The following CDH13 variants were observed in gnomAD, a reference collection of about 807,000 sequenced individuals.
CDH13 encodes the protein cadherin-13.
A neutral mutation model predicts 63.8 loss-of-function variants in CDH13; 24 were observed. That is an observed-to-expected ratio of 0.38 (90% CI 0.27 to 0.53). The LOEUF is 0.53. CDH13 is among the 20% of genes least tolerant of loss of function. The probability of loss-of-function intolerance (pLI) is 0.85; values close to 1 mark genes in which losing one functional copy is unlikely to be tolerated. For missense variants in CDH13, 1,049 were observed against 903.1 expected, an observed-to-expected ratio of 1.16 and a Z score of -2.07; for synonymous variants, 503 against 355.3, an observed-to-expected ratio of 1.42 and a Z score of -4.67.
intron 5 of CDH13, among the ~76,000 whole-genome samples, chr16:83,219,025 T>A (rs12716965): frequency 0.062 from 9,481 of 152,156 alleles, 325 homozygotes; most frequent in African/African-American, 0.095. Context: ...TAAATCTCTG[T>A]CCTTTGTAAA....
At chr16:83,709,043 T>G (rs72797266) in intron 10 of CDH13, among the ~76,000 whole-genome samples, 42,654 of 151,750 alleles carry the variant, frequency 0.28, 6,407 homozygotes, top group Middle Eastern at 0.46. Flanking sequence ...AATTAAAAAA[T>G]AAAAATTAAA....
chr16:82,803,801 T>G (rs1036710059), intron 1 of CDH13, among the ~76,000 whole-genome samples: 1 of 151,962 alleles, frequency 6.6e-6, no homozygotes, highest in South Asian at 2.1e-4. Context: ...AGTAGAATGG[T>G]GATTTGGGGG....
In CDH13 at chr16:83,782,736, G is replaced by GA. The variant is rs3055230; in HGVS notation, c.1916-500dup. On this transcript the variant is annotated intron_variant, in intron 12 of 13. Coordinates refer to ENST00000567109, the MANE Select transcript of CDH13 (RefSeq NM_001257.5). ...GGGCAACAGAGTGAGACCCTGTCTC[G>GA]AAAAAAAAAAAAAAAAAACTAAAGA... is the stretch of plus-strand genomic sequence containing the variant. 4.5e-3 allele frequency among the ~76,000 whole-genome samples: 450 copies of GA among 98,930 alleles called. 1 individual carries two copies. The highest frequency in any genetic ancestry group is 0.011 in the Middle Eastern group (2 of 176). 64.9% of individuals were successfully genotyped at this position (98,930 alleles called of 152,430 possible).
In CDH13 at chr16:82,902,870, G is replaced by T. The variant is rs146667447; in HGVS notation, c.157+44397G>T. On this transcript the variant is annotated intron_variant, in intron 2 of 13. Coordinates refer to ENST00000567109, the MANE Select transcript of CDH13 (RefSeq NM_001257.5). ...ATCCAATATAAACTGCCAACAGTAG[G>T]TTGGAAATACTCATCAGTATGGAAA... Among the ~76,000 whole-genome samples the T allele has an allele frequency of 8.4e-4, 128 of 152,256 alleles. 1 individual carries two copies. The highest frequency in any genetic ancestry group is 3.0e-3 in the African/African-American group (126 of 41,574).
chr16:83,298,126 C>G (rs1238940465), intron 5 of CDH13, among the ~76,000 whole-genome samples: 1 of 151,216 alleles, frequency 6.6e-6, no homozygotes, highest in Non-Finnish European at 1.5e-5. Context: ...GCCTGTGGTT[C>G]CAGCTACTCA....
At chr16:83,296,376 A>G (rs771085974) in intron 5 of CDH13, among the ~76,000 whole-genome samples, 10 of 152,164 alleles carry the variant, frequency 6.6e-5, no homozygotes, top group Non-Finnish European at 1.0e-4. Context: ...GTGCCTGGAC[A>G]ATTAAGTACC....
At chr16:82,748,923 A>G (rs932577774) in intron 1 of CDH13, among the ~76,000 whole-genome samples, 1 of 152,196 alleles carries the variant, frequency 6.6e-6, no homozygotes, top group African/African-American at 2.4e-5. Context: ...GGCCAATCAG[A>G]TCACTAATTG....
intron 1 of CDH13, among the ~76,000 whole-genome samples, chr16:82,838,601 C>G (rs1597756359): frequency 6.6e-6 from 1 of 152,162 alleles, no homozygotes; most frequent in African/African-American, 2.4e-5. Context: ...CATCTTTCCT[C>G]AATTGTGCCT....
rs566928044 is a variant in CDH13, at chr16:83,496,727, C to A, written c.960+10072C>A. The stretch of plus-strand genomic sequence containing the variant: ...ACTACCATCAGAGTGAACAGGCGAC[C>A]TACAAAATGGGGAAAATTTTCGCAA... On this transcript the variant is annotated intron_variant, in intron 7 of 13. Coordinates refer to ENST00000567109, the MANE Select transcript of CDH13 (RefSeq NM_001257.5). Among the ~76,000 whole-genome samples, 40 of 152,116 alleles carry A rather than the reference C, an allele frequency of 2.6e-4. 1 individual carries two copies. Among genetic ancestry groups the A allele is most frequent in the Admixed American group, 2.4e-3 (36 of 15,262 alleles).
chr16:83,511,086 ACACACACATGCACACATGCACGCATG>A (rs200043421), intron 7 of CDH13, among the ~76,000 whole-genome samples: 1 of 93,814 alleles, frequency 1.1e-5, no homozygotes, highest in Non-Finnish European at 2.0e-5. Flanking sequence ...GCACGCATGC[ACACACACATGCACACATGCACGCATG>A]CACACACATG....
rs889813934 is a variant in CDH13 at position 83,798,010 on chromosome 16, C to G, written c.*2980C>G. The stretch of plus-strand genomic sequence containing the variant: ...TACCTGCTGTGCCTCTTGGCCGACA[C>G]CAGCAAATCTAAGCATTATAACGAA... On this transcript the variant is annotated 3_prime_UTR_variant, in exon 14 of 14. Transcript: ENST00000567109. 2 of 152,198 alleles carry G rather than the reference C, an allele frequency of 1.3e-5. No individual in the cohort carries two copies. Among genetic ancestry groups the G allele is most frequent in the Admixed American group, 1.3e-4 (2 of 15,268 alleles). The allele number at this position is 152,198 out of a possible 1,614,324, so 9.4% of individuals were successfully genotyped here. A position where few individuals can be genotyped will look rare whatever the true frequency, so the allele number is the denominator to read the frequency against.
In CDH13 at chr16:83,709,393, G is replaced by A. The variant is rs139712876; in HGVS notation, c.1538+30932G>A. 5.5e-3 allele frequency among the ~76,000 whole-genome samples: 839 copies of A among 152,218 alleles called. 8 individuals are homozygous for A. The highest frequency in any genetic ancestry group is 0.018 in the African/African-American group (768 of 41,526). On this transcript the variant is annotated intron_variant, in intron 10 of 13. Coordinates refer to ENST00000567109, the MANE Select transcript of CDH13 (RefSeq NM_001257.5). ...TCCAATCTATGAGGGTTCCCCCAGCGGACTCCCTCTATAATCAGTACGGTC... is the reference window on the plus strand; with the variant it reads ...TCCAATCTATGAGGGTTCCCCCAGCAGACTCCCTCTATAATCAGTACGGTC...
Position 82,709,132 on chromosome 16 carries a change from A to G in CDH13, c.45+81995A>G, listed in dbSNP as rs146756099. On this transcript the variant is annotated intron_variant, in intron 1 of 13. Transcript: ENST00000567109. ...AACATAACAATGGATATAAGCTCCA[A>G]TTCTATCCAGTTTTCCACGAATGAA... 8.0e-4 allele frequency among the ~76,000 whole-genome samples: 122 copies of G among 152,322 alleles called. 1 individual carries two copies. The East Asian group carries it at 0.02, about 25-fold the overall frequency.
At chr16:83,560,110 G>T (rs1241313562) in intron 7 of CDH13, among the ~76,000 whole-genome samples, 1 of 152,056 alleles carries the variant, frequency 6.6e-6, no homozygotes, top group Admixed American at 6.6e-5. Context: ...TGATGAATAC[G>T]TATTGAGTAG....
chr16:82,721,531 G>A (rs760928375), intron 1 of CDH13, among the ~76,000 whole-genome samples: 29 of 152,252 alleles, frequency 1.9e-4, no homozygotes, highest in Non-Finnish European at 3.4e-4. Context: ...CACTGCTCAC[G>A]TAGGCAGGAA....
intron 4 of CDH13, among the ~76,000 whole-genome samples, chr16:83,132,081 C>A (rs1270041142): frequency 1.3e-5 from 2 of 152,156 alleles, no homozygotes; most frequent in Non-Finnish European, 2.9e-5. Context: ...CGAATAGGTG[C>A]CAAGGAGTCT....
At chr16:82,928,520 C>G (rs550913900) in intron 2 of CDH13, among the ~76,000 whole-genome samples, 92 of 152,324 alleles carry the variant, frequency 6.0e-4, no homozygotes, top group African/African-American at 2.1e-3. Context: ...ATCATCCTTA[C>G]TCAATATCTG....
chr16:83,017,542 C>T (rs961063580), intron 2 of CDH13, among the ~76,000 whole-genome samples: 7 of 152,314 alleles, frequency 4.6e-5, no homozygotes, highest in African/African-American at 1.7e-4. Context: ...ACTCTCTGAG[C>T]TTCAGGTTTT....
At chr16:83,275,329 C>T (rs148145448) in intron 5 of CDH13, among the ~76,000 whole-genome samples, 1 of 152,176 alleles carries the variant, frequency 6.6e-6, no homozygotes, top group East Asian at 1.9e-4. Flanking sequence ...ATCATACTTT[C>T]TGTCCAAATG....
Sources: allele counts gnomAD v4.1 joint callset (sites outside exome capture counted in the v4.1 genomes callset), GRCh38; gene constraint gnomAD v4.1.1; transcripts MANE v1.5; gene names NCBI Gene and HGNC (gene_info 2026-07-23, HGNC 2026-07-21).